Variants in TXNDC11 observed in about 807,000 individuals in gnomAD.
TXNDC11 encodes the protein thioredoxin domain containing 11, also known as thioredoxin domain-containing protein 11.
TXNDC11 carries 68 observed loss-of-function variants against 78.0 expected under a neutral mutation model. That is an observed-to-expected ratio of 0.87 (90% CI 0.72 to 1.07). The LOEUF (loss-of-function observed/expected upper bound fraction) is 1.07. Ranked by LOEUF, TXNDC11 falls within the 50% of genes least tolerant of loss-of-function variation. TXNDC11 has a pLI of 0.00. For synonymous variants in TXNDC11, 571 were observed against 495.2 expected, an observed-to-expected ratio of 1.15 and a Z score of -2.03; for missense variants, 1,389 against 1,221.8, an observed-to-expected ratio of 1.14 and a Z score of -2.04.
chr16:11,740,625 T>G (rs146506018), intron 1 of TXNDC11, among the ~76,000 whole-genome samples: 172 of 152,354 alleles, frequency 1.1e-3, no homozygotes, highest in African/African-American at 3.8e-3. Context: ...CACTCTACCT[T>G]GTAAAATACT....
intron 5 of TXNDC11, chr16:11,703,625 T>C (rs1474370053): frequency 2.9e-6 from 2 of 699,228 alleles, no homozygotes; most frequent in East Asian, 2.7e-5. Context: ...TTCTATCTAC[T>C]GAGAAGACCT....
chr16:11,725,753 G>A (rs2051858524), intron 4 of TXNDC11, among the ~76,000 whole-genome samples: 1 of 152,218 alleles, frequency 6.6e-6, no homozygotes, highest in South Asian at 2.1e-4. Flanking sequence ...AATAACAACT[G>A]AAGTATTTCA....
intron 1 of TXNDC11, among the ~76,000 whole-genome samples, chr16:11,736,803 GAAGAT>G (rs2052233961): frequency 6.6e-6 from 1 of 152,154 alleles, no homozygotes; most frequent in Non-Finnish European, 1.5e-5. Context: ...TAAGACTAAT[GAAGAT>G]AAGTAACAAA....
At chr16:11,692,644 T>G (rs758319758) in intron 7 of TXNDC11, among the ~76,000 whole-genome samples, 43 of 152,174 alleles carry the variant, frequency 2.8e-4, no homozygotes, top group Non-Finnish European at 5.3e-4. Context: ...GTACCATCTG[T>G]GGTTTCAGGC....
In TXNDC11 at chr16:11,700,693, G is replaced by C; in HGVS notation, c.794-129C>G. The C allele has an allele frequency of 8.7e-6, 5 of 571,636 alleles. No individual in the cohort carries two copies. In the South Asian group the frequency reaches 9.7e-5, roughly 11 times the overall value. 35.4% of individuals were successfully genotyped at this position (571,636 alleles called of 1,614,324 possible). On this transcript the variant is annotated intron_variant, in intron 5 of 11. Transcript: ENST00000283033. ...CCTTCTGGTAACCTAGCCTAGAGAG[G>C]GAAGGAAGAGGCGCTGAGGAACCTC...
At chr16:11,691,053 C>A in intron 8 of TXNDC11, 2 of 533,758 alleles carry the variant, frequency 3.7e-6, no homozygotes, top group South Asian at 2.3e-5. Flanking sequence ...CTCTTACCCC[C>A]ACCATGGGCT....
intron 5 of TXNDC11, among the ~76,000 whole-genome samples, chr16:11,706,358 G>T (rs1488321945): frequency 2.0e-5 from 3 of 152,244 alleles, no homozygotes; most frequent in Non-Finnish European, 4.4e-5. Context: ...CTCCTTGGCT[G>T]CTTGCTACAG....
rs2052441082 is a variant in TXNDC11, at chr16:11,742,635, G to A, written c.96C>T (p.Cys32=). Residue 32 remains cysteine (C), a synonymous_variant, in exon 1 of 12, where the codon TGC becomes TGT. Coordinates refer to ENST00000283033, the MANE Select transcript of TXNDC11 (RefSeq NM_015914.7). ...TGGCCAGGGTCGGGCTCGAGCTGAG[G>A]CAGTCTGAGCCCGCGGGGCCGCCGC... The part of the protein sequence containing the change: ...GGGGGPAGSD[C]LSSSPTLATA... 2.1e-6 allele frequency: 3 copies of A among 1,461,716 alleles called. No homozygotes were observed. The highest frequency in any genetic ancestry group is 1.3e-5 in the South Asian group (1 of 76,346). The allele number at this position is 1,461,716 out of a possible 1,614,324, so 90.5% of individuals were successfully genotyped here.
At chr16:11,742,249 G>A in intron 1 of TXNDC11, 1 of 437,492 alleles carries the variant, frequency 2.3e-6, no homozygotes, top group Non-Finnish European at 4.0e-6. Flanking sequence ...AAAGCGGGAC[G>A]ATAGGGCGCA....
Position 11,700,468 on chromosome 16 carries a change from T to G in TXNDC11, c.890A>C (p.His297Pro). The stretch of plus-strand genomic sequence containing the variant: ...AATACTTACAAGTGATGTGTTGAAA[T>G]GTCTATGTAAATACACACTTCCAGA... Reference protein sequence around the residue: ...VHSGSVYLHRHFNTSLVFPRE... With the variant: ...VHSGSVYLHRPFNTSLVFPRE... Residue 297 changes from histidine to proline, a missense_variant, in exon 6 of 12, where the codon CAT (histidine) becomes CCT (proline). Physicochemically the swap from His to Pro is moderately conservative, Grantham distance 77. Transcript: ENST00000283033. 1 of 1,543,692 alleles carries G rather than the reference T, an allele frequency of 6.5e-7. No homozygotes were observed. Among genetic ancestry groups the G allele is most frequent in the Non-Finnish European group, 8.9e-7 (1 of 1,120,772 alleles).
In TXNDC11 at chr16:11,679,934, CAAGAA is replaced by C. The variant is rs1256040922; in HGVS notation, c.2235-102_2235-98del. On this transcript the variant is annotated intron_variant, in intron 11 of 11. Coordinates refer to ENST00000283033, the MANE Select transcript of TXNDC11 (RefSeq NM_015914.7). This position sits in a 1 kb window ranked among gnomAD's most constrained non-coding sequence, Gnocchi z 4.6. ...TGAGGCCAGGCCATCTACTTCTCAC[CAAGAA>C]AAGACGTTCCGTGGATTTTACTTAC... The C allele has an allele frequency of 9.5e-7, 1 of 1,053,288 alleles. No individual in the cohort carries two copies. Among genetic ancestry groups the C allele is most frequent in the Non-Finnish European group, 1.4e-6 (1 of 721,024 alleles). The allele number at this position is 1,053,288 out of a possible 1,614,324, so 65.2% of individuals were successfully genotyped here. A position where few individuals can be genotyped will look rare whatever the true frequency, so the allele number is the denominator to read the frequency against.
At chr16:11,713,108 A>AG (rs1203122618) in intron 5 of TXNDC11, among the ~76,000 whole-genome samples, 2 of 66,830 alleles carry the variant, frequency 3.0e-5, no homozygotes, top group South Asian at 6.0e-4. Flanking sequence ...ACTCTGTCTC[A>AG]GGAAAAAAAA....
At chr16:11,725,748 C>A (rs1199639125) in intron 4 of TXNDC11, among the ~76,000 whole-genome samples, 1 of 152,228 alleles carries the variant, frequency 6.6e-6, no homozygotes, top group Non-Finnish European at 1.5e-5. Context: ...TTGCTAATAA[C>A]AACTGAAGTA....
intron 5 of TXNDC11, among the ~76,000 whole-genome samples, chr16:11,702,040 C>G (rs1234727617): frequency 6.7e-6 from 1 of 150,118 alleles, no homozygotes; most frequent in Non-Finnish European, 1.5e-5. Context: ...AAAAAGAACT[C>G]ACACTTATAA....
intron 7 of TXNDC11, 76 bp downstream of exon 7, chr16:11,698,049 A>C (rs529241704): frequency 2.2e-6 from 3 of 1,366,348 alleles, no homozygotes; most frequent in African/African-American, 2.9e-5. Context: ...TAAATGACTG[A>C]GTGTGGGATG....
At chr16:11,722,714 G>A (rs1180720529) in intron 4 of TXNDC11, among the ~76,000 whole-genome samples, 2 of 152,226 alleles carry the variant, frequency 1.3e-5, no homozygotes, top group African/African-American at 4.8e-5. Flanking sequence ...GAATCCTTTT[G>A]AGCCCAAAAG....
At chr16:11,739,866 A>G (rs1010742596) in intron 1 of TXNDC11, among the ~76,000 whole-genome samples, 2 of 152,020 alleles carry the variant, frequency 1.3e-5, no homozygotes, top group Non-Finnish European at 2.9e-5. Flanking sequence ...CATTTATTTC[A>G]AGCCTGGAGC....
chr16:11,736,729 G>T (rs2052231867), intron 1 of TXNDC11, among the ~76,000 whole-genome samples: 1 of 152,068 alleles, frequency 6.6e-6, no homozygotes, highest in South Asian at 2.1e-4. Context: ...ACTTATCCAG[G>T]GCATTCAGGT....
chr16:11,732,582 C>A (rs2052088218), intron 3 of TXNDC11, among the ~76,000 whole-genome samples: 1 of 152,178 alleles, frequency 6.6e-6, no homozygotes, highest in South Asian at 2.1e-4. Context: ...GGGAAGAAAT[C>A]TGAAAATGGT....
Sources: allele counts gnomAD v4.1 joint callset (sites outside exome capture counted in the v4.1 genomes callset), GRCh38; gene constraint gnomAD v4.1.1; non-coding constraint Gnocchi (gnomAD v3.1); transcripts MANE v1.5; gene names NCBI Gene and HGNC (gene_info 2026-07-23, HGNC 2026-07-21).